The following DPAGT1 variants were observed in gnomAD, a reference collection of about 807,000 sequenced individuals.
DPAGT1 encodes the protein UDP-N-acetylglucosamine--dolichyl-phosphate N-acetylglucosaminephosphotransferase.
DPAGT1 carries 25 observed loss-of-function variants against 39.3 expected under a neutral mutation model. The observed-to-expected ratio is 0.64, with a 90% CI of 0.46 to 0.89. The LOEUF (loss-of-function observed/expected upper bound fraction) is 0.89. Ranked by LOEUF, DPAGT1 falls within the 40% of genes least tolerant of loss-of-function variation. DPAGT1 has a pLI of 0.00. For synonymous variants in DPAGT1, 193 were observed against 201.4 expected, an observed-to-expected ratio of 0.96 and a Z score of 0.36; for missense variants, 381 against 500.6, an observed-to-expected ratio of 0.76 and a Z score of 2.28.
At chr11:119,095,401 G>C, downstream of DPAGT1, 1 of 1,536,726 alleles carries the variant, frequency 6.5e-7, no homozygotes, top group East Asian at 2.3e-5. Context: ...ACATGCTAGC[G>C]AGGTAGACCG....
rs1946430459 is a variant in DPAGT1 at position 119,098,052 on chromosome 11, G to A, written c.729-9C>T. ...ACACCCGTGATGGGTACCTGTGTGG[G>A]GGAAGAGGATCCGAGCCAGTGGCAA... is the stretch of plus-strand genomic sequence containing the variant. On this transcript the variant is annotated splice_polypyrimidine_tract_variant and intron_variant, in intron 5 of 8. Coordinates refer to ENST00000354202, the MANE Select transcript of DPAGT1 (RefSeq NM_001382.4). 8.7e-6 allele frequency: 14 copies of A among 1,613,918 alleles called. No individual in the cohort carries two copies. The highest frequency in any genetic ancestry group is 1.1e-5 in the Non-Finnish European group (13 of 1,179,972).
chr11:119,098,161 C>T (rs750231866), intron 5 of DPAGT1, 118 bp from the exon 6 acceptor site: 248 of 1,399,520 alleles, frequency 1.8e-4, no homozygotes, highest in Admixed American at 3.4e-4. Flanking sequence ...AGAGGAGACT[C>T]CAGTTGTGCA....
In DPAGT1 at chr11:119,101,758, C is replaced by A. The variant is rs1351454057; in HGVS notation, c.-103G>T. On this transcript the variant is annotated 5_prime_UTR_variant, in exon 1 of 9. Coordinates refer to ENST00000354202, the MANE Select transcript of DPAGT1 (RefSeq NM_001382.4). ...GTATGGAGTGGCCGCTCCCCACAGG[C>A]AGGCTCTTCCCACACCAATCTGAGC... 7 of 1,584,758 alleles carry A rather than the reference C, an allele frequency of 4.4e-6. No individual in the cohort carries two copies. The African/African-American group carries it at 8.1e-5, about 18-fold the overall frequency.
chr11:119,097,585 C>A lies in DPAGT1; in HGVS notation c.918-34G>T. ...GGAAGATAGCTTCATGTGACTGGGC[C>A]ACTATTTGAACCCTCCTCCCTGTGG... On this transcript the variant is annotated intron_variant, in intron 6 of 8. Coordinates refer to ENST00000354202, the MANE Select transcript of DPAGT1 (RefSeq NM_001382.4). This position sits in a 1 kb window ranked among gnomAD's most constrained non-coding sequence, Gnocchi z 4.6. The A allele has an allele frequency of 6.2e-7, 1 of 1,611,254 alleles. No homozygotes were observed. Among genetic ancestry groups the A allele is most frequent in the African/African-American group, 1.3e-5 (1 of 74,974 alleles).
downstream of DPAGT1, chr11:119,095,470 C>T: frequency 7.0e-7 from 1 of 1,427,538 alleles, no homozygotes; most frequent in Non-Finnish European, 9.2e-7. Flanking sequence ...ACTGCTGTCG[C>T]GCGCGCGCCG....
downstream of DPAGT1, chr11:119,095,521 C>CTGT: frequency 9.6e-7 from 1 of 1,042,482 alleles, no homozygotes. Context: ...ACCTCTGCGC[C>CTGT]CTCCTGATTG....
At position 119,098,420 on chromosome 11, in the gene DPAGT1, T is replaced by TC. The variant is rs1295362991; in HGVS notation, c.710dup (p.Leu238IlefsTer112). ...CTACTTACCAGTTGTGGTAGAGCAA[T>TC]CCCAAAGTGGTGAAAAAAAAGGGTA... On this transcript the variant is annotated frameshift_variant, in exon 5 of 9. Coordinates refer to ENST00000354202, the MANE Select transcript of DPAGT1 (RefSeq NM_001382.4). LOFTEE classifies it high-confidence loss of function. 6.2e-7 allele frequency: 1 copy of TC among 1,613,650 alleles called. No individual in the cohort carries two copies. The highest frequency in any genetic ancestry group is 8.5e-7 in the Non-Finnish European group (1 of 1,179,864).
chr11:119,099,152 C>T (rs1286573638), intron 4 of DPAGT1, among the ~76,000 whole-genome samples: 1 of 152,124 alleles, frequency 6.6e-6, no homozygotes, highest in East Asian at 1.9e-4. Context: ...TGGCCGGGTG[C>T]GGTGACTCAC....
At chr11:119,095,280 G>A, downstream of DPAGT1, 2 of 1,612,846 alleles carry the variant, frequency 1.2e-6, no homozygotes, top group Non-Finnish European at 1.7e-6. Context: ...TCGGCGTAGT[G>A]GCCCTTCCGC....
intron 5 of DPAGT1, 72 bp from the exon 6 acceptor site, chr11:119,098,115 T>A: frequency 6.3e-7 from 1 of 1,594,042 alleles, no homozygotes; most frequent in Non-Finnish European, 8.6e-7. Flanking sequence ...TCACACCCTA[T>A]GGGCACTGGA....
Position 119,101,521 on chromosome 11 carries a change from G to A in DPAGT1, c.135C>T (p.Asp45=), listed in dbSNP as rs1209496110. 2 of 1,614,152 alleles carry A rather than the reference G, an allele frequency of 1.2e-6. No homozygotes were observed. The highest frequency in any genetic ancestry group is 1.7e-5 in the Admixed American group (1 of 60,020). The change falls in exon 1 of 9, where the codon GAC becomes GAT. Residue 45 remains aspartate (D), a synonymous_variant. Transcript: ENST00000354202. Reference sequence around the variant, plus strand: ...TCTGCTGTCGGCTGGTTTTGTTGAGGTCCTGACCACAGAGGCGCGCAGCAA... The same window carrying A: ...TCTGCTGTCGGCTGGTTTTGTTGAGATCCTGACCACAGAGGCGCGCAGCAA... The part of the protein sequence containing the change: ...HFIAARLCGQ[D]LNKTSRQQIP...
At chr11:119,101,465 C>A in intron 1 of DPAGT1, 30 bp downstream of exon 1, 1 of 1,613,920 alleles carries the variant, frequency 6.2e-7, no homozygotes, top group Non-Finnish European at 8.5e-7. Context: ...AGCCCTTGCC[C>A]CCTGCCCGGA....
chr11:119,096,270 A>G (rs1023535853), downstream of DPAGT1, among the ~76,000 whole-genome samples: 2 of 152,150 alleles, frequency 1.3e-5, no homozygotes, highest in Non-Finnish European at 2.9e-5. Flanking sequence ...TGACTCTTTG[A>G]AAGTTTGTTC....
chr11:119,096,127 C>T (rs571554243), downstream of DPAGT1, among the ~76,000 whole-genome samples: 122 of 152,216 alleles, frequency 8.0e-4, no homozygotes, highest in Non-Finnish European at 5.1e-4. Context: ...CCACACTTGG[C>T]TAATTATTTT....
chr11:119,094,741 G>A (rs1565760582), downstream of DPAGT1: 1 of 512,152 alleles, frequency 2.0e-6, no homozygotes, highest in Non-Finnish European at 3.3e-6. Context: ...GGCAGGGCCC[G>A]AGGCCGACGC....
intron 1 of DPAGT1, 85 bp downstream of exon 1, chr11:119,101,410 G>C: frequency 6.2e-7 from 1 of 1,608,952 alleles, no homozygotes; most frequent in Non-Finnish European, 8.5e-7. Flanking sequence ...TTCACGTGTG[G>C]TCAAGCACCC....
In DPAGT1 at chr11:119,100,760, C is replaced by T. The variant is rs1946487982; in HGVS notation, c.366G>A (p.Trp122Ter). Reference protein sequence around the residue: ...GFADDVLNLRWRHKLLLPTAA... With the variant: ...GFADDVLNLR ...CTGTAGGTAGCAGCAGCTTATGGCG[C>T]CAGCGCAGATTCAGTACATCATCCG... is the stretch of plus-strand genomic sequence containing the variant. The change falls in exon 3 of 9, where the codon TGG becomes TGA. Residue 122 changes from tryptophan (W) to a stop codon, truncating the protein, a stop_gained. Coordinates refer to ENST00000354202, the MANE Select transcript of DPAGT1 (RefSeq NM_001382.4). LOFTEE classifies it high-confidence loss of function. 5 of 1,614,128 alleles carry T rather than the reference C, an allele frequency of 3.1e-6. No individual in the cohort carries two copies. The East Asian group carries it at 1.1e-4, about 36-fold the overall frequency.
downstream of DPAGT1, chr11:119,094,161 C>T (rs1946352784): frequency 6.5e-6 from 1 of 152,738 alleles, no homozygotes; most frequent in Non-Finnish European, 1.5e-5. Context: ...TGAAGCCAAA[C>T]TGCAGGCCTC....
Position 119,096,723 on chromosome 11 carries a change from T to C in DPAGT1, c.*275A>G. 1 of 536,938 alleles carries C rather than the reference T, an allele frequency of 1.9e-6. No homozygotes were observed. The allele number at this position is 536,938 out of a possible 1,614,324, so 33.3% of individuals were successfully genotyped here. A position where few individuals can be genotyped will look rare whatever the true frequency, so the allele number is the denominator to read the frequency against. On this transcript the variant is annotated 3_prime_UTR_variant, in exon 9 of 9. Coordinates refer to ENST00000354202, the MANE Select transcript of DPAGT1 (RefSeq NM_001382.4). ...TGGATAACTGCAAAAAAAGCTGCTG[T>C]ATCCCACCCTATGAGGCTGCAAAGA... is the stretch of plus-strand genomic sequence containing the variant.
Sources: gnomAD v4.1 joint callset for allele counts (sites outside exome capture counted in the v4.1 genomes callset) on GRCh38, gnomAD v4.1.1 for gene constraint, Gnocchi (gnomAD v3.1) non-coding constraint, MANE v1.5 for transcripts, NCBI Gene and HGNC (gene_info 2026-07-23, HGNC 2026-07-21) for gene names.